Variants in RAP1B observed in about 807,000 individuals in gnomAD.
RAP1B encodes the protein ras-related protein Rap-1b.
In RAP1B, 1 loss-of-function variant was observed where a neutral mutation model predicts 27.5. The observed-to-expected ratio is 0.04, with a 90% confidence interval of 0.01 to 0.17. The LOEUF is 0.17. Among genes scored for constraint, RAP1B ranks in the 10% least tolerant of loss-of-function variants. The probability of loss-of-function intolerance (pLI) is 1.00; values close to 1 mark genes in which losing one functional copy is unlikely to be tolerated. For synonymous variants in RAP1B, 75 were observed against 73.1 expected (o/e 1.03, Z -0.13); for missense variants, 84 against 214.8 (o/e 0.39, Z 3.81).
intron 1 of RAP1B, among the ~76,000 whole-genome samples, chr12:68,639,737 C>T (rs1180233974): frequency 6.6e-6 from 1 of 152,164 alleles, no homozygotes; most frequent in East Asian, 1.9e-4. Context: ...TAGACTTCTC[C>T]AGAAATCCCA....
intron 5 of RAP1B, 98 bp downstream of exon 5, chr12:68,654,350 T>C: frequency 1.3e-5 from 2 of 152,392 alleles, no homozygotes; most frequent in Non-Finnish European, 1.2e-5. Flanking sequence ...TGTATTTTGG[T>C]TGGGGGGGGG....
In RAP1B at chr12:68,627,984, A is replaced by G. The variant is rs147049030; in HGVS notation, c.-27+16941A>G. On this transcript the variant is annotated intron_variant, in intron 1 of 7. Transcript: ENST00000250559. ...TTAATCAGGCATGCAGCACACGCCT[A>G]TAGTCCAGTTACTCAGGATGTTGAG... 2.1e-3 allele frequency among the ~76,000 whole-genome samples: 314 copies of G among 152,252 alleles called. 1 individual carries two copies. The highest frequency in any genetic ancestry group is 6.5e-3 in the African/African-American group (270 of 41,562).
chr12:68,659,462 C>G lies in RAP1B; in HGVS notation c.*213C>G. 2.8e-6 allele frequency: 1 copy of G among 352,942 alleles called. No homozygotes were observed. Among genetic ancestry groups the G allele is most frequent in the African/African-American group, 2.1e-5 (1 of 46,596 alleles). 21.9% of individuals were successfully genotyped at this position (352,942 alleles called of 1,614,324 possible). On this transcript the variant is annotated 3_prime_UTR_variant, in exon 8 of 8. Coordinates refer to ENST00000250559, the MANE Select transcript of RAP1B (RefSeq NM_001010942.3). Reference sequence around the variant, plus strand: ...GAGAGATTTTTACTTATATAATAGTCCTAGAGTTTGCAGCTGGTAAAACCA... The same window carrying G: ...GAGAGATTTTTACTTATATAATAGTGCTAGAGTTTGCAGCTGGTAAAACCA...
chr12:68,620,975 T>A (rs1404139110), intron 1 of RAP1B, among the ~76,000 whole-genome samples: 2 of 152,232 alleles, frequency 1.3e-5, no homozygotes, highest in Non-Finnish European at 2.9e-5. Context: ...ATAGTTAAGT[T>A]ACAGTTTGTA....
chr12:68,625,554 G>GT (rs1424651951), intron 1 of RAP1B, among the ~76,000 whole-genome samples: 3 of 152,180 alleles, frequency 2.0e-5, no homozygotes, highest in Non-Finnish European at 4.4e-5. Context: ...TGGTCCTTAA[G>GT]TTTCATTTTG....
At chr12:68,659,255 T>A in intron 7 of RAP1B, 25 bp from the exon 8 acceptor site, 1 of 456,694 alleles carries the variant, frequency 2.2e-6, no homozygotes, top group Non-Finnish European at 4.4e-6. Flanking sequence ...CCCATGTTTT[T>A]AATTAATTTT....
intron 1 of RAP1B, among the ~76,000 whole-genome samples, chr12:68,640,051 G>A (rs191457824): frequency 1.9e-3 from 288 of 152,184 alleles, no homozygotes; most frequent in African/African-American, 6.7e-3. Flanking sequence ...ATGTTGGTCA[G>A]GATGGTCTCC....
chr12:68,654,676 A>T (rs1874074911), intron 5 of RAP1B, among the ~76,000 whole-genome samples: 1 of 152,002 alleles, frequency 6.6e-6, no homozygotes, highest in Non-Finnish European at 1.5e-5. Context: ...ACAGGGTTTC[A>T]CCATGTTAGC....
chr12:68,629,053 C>G (rs1212750059), intron 1 of RAP1B, among the ~76,000 whole-genome samples: 1 of 152,182 alleles, frequency 6.6e-6, no homozygotes, highest in Non-Finnish European at 1.5e-5. Flanking sequence ...TGAGACAAGT[C>G]TCACTCTGTT....
intron 7 of RAP1B, 198 bp downstream of exon 7, chr12:68,657,415 C>T (rs965559995): frequency 8.0e-5 from 29 of 363,638 alleles, no homozygotes; most frequent in African/African-American, 6.0e-4. Flanking sequence ...CATAAGTATT[C>T]TTTTTTTGAG....
intron 1 of RAP1B, among the ~76,000 whole-genome samples, chr12:68,647,375 A>AC (rs1873488204): frequency 1.4e-4 from 1 of 7,362 alleles, no homozygotes; most frequent in African/African-American, 5.7e-4. Flanking sequence ...CCTGCCCCCC[A>AC]CTCCACTCCC....
chr12:68,644,252 T>C (rs1251653114), intron 1 of RAP1B, among the ~76,000 whole-genome samples: 2 of 152,176 alleles, frequency 1.3e-5, no homozygotes, highest in Non-Finnish European at 2.9e-5. Context: ...CTTTTTTATA[T>C]TGACATGGAG....
chr12:68,627,980 G>A (rs190307953), intron 1 of RAP1B, among the ~76,000 whole-genome samples: 9 of 152,178 alleles, frequency 5.9e-5, no homozygotes, highest in South Asian at 2.1e-4. Context: ...TGCAGCACAC[G>A]CCTATAGTCC....
At chr12:68,644,558 TG>T (rs1404613333) in intron 1 of RAP1B, among the ~76,000 whole-genome samples, 4 of 150,246 alleles carry the variant, frequency 2.7e-5, no homozygotes, top group Non-Finnish European at 5.9e-5. Flanking sequence ...CACTCCAGCC[TG>T]GGTGACAGAG....
chr12:68,634,254 G>A (rs961969637), intron 1 of RAP1B, among the ~76,000 whole-genome samples: 1 of 152,166 alleles, frequency 6.6e-6, no homozygotes, highest in Non-Finnish European at 1.5e-5. Context: ...ATTTTGCATA[G>A]GGTAAGTTAT....
intron 1 of RAP1B, among the ~76,000 whole-genome samples, chr12:68,629,376 T>C (rs1872071155): frequency 6.6e-6 from 1 of 152,334 alleles, no homozygotes; most frequent in East Asian, 1.9e-4. Flanking sequence ...AAAAGCACCA[T>C]ACAGACATGT....
chr12:68,648,594 T>C lies in RAP1B; in HGVS notation c.-26-105T>C, dbSNP rs1254658412. On this transcript the variant is annotated intron_variant, in intron 1 of 7. Coordinates refer to ENST00000250559, the MANE Select transcript of RAP1B (RefSeq NM_001010942.3). ...GGTGCTCCATACTAGGGTTGTATAGTAATCATTTTAAATAAATCTATTTTC... is the reference window on the plus strand; with the variant it reads ...GGTGCTCCATACTAGGGTTGTATAGCAATCATTTTAAATAAATCTATTTTC... 24 of 927,054 alleles carry C rather than the reference T, an allele frequency of 2.6e-5. No homozygotes were observed. The East Asian group carries it at 6.1e-4, about 23-fold the overall frequency. The allele number at this position is 927,054 out of a possible 1,614,324, so 57.4% of individuals were successfully genotyped here.
At chr12:68,623,279 C>G (rs1013013718) in intron 1 of RAP1B, among the ~76,000 whole-genome samples, 25 of 151,518 alleles carry the variant, frequency 1.6e-4, no homozygotes, top group Non-Finnish European at 3.4e-4. Flanking sequence ...GAAGTGAAAC[C>G]CTTAGGATCT....
intron 1 of RAP1B, among the ~76,000 whole-genome samples, chr12:68,625,280 A>G (rs1319572376): frequency 6.6e-6 from 1 of 152,246 alleles, no homozygotes; most frequent in Non-Finnish European, 1.5e-5. Flanking sequence ...GGAATATTAA[A>G]TGGATCTTTG....
Sources: gnomAD v4.1 joint callset for allele counts (sites outside exome capture counted in the v4.1 genomes callset) on GRCh38, gnomAD v4.1.1 for gene constraint, MANE v1.5 for transcripts, NCBI Gene and HGNC (gene_info 2026-07-23, HGNC 2026-07-21) for gene names.